The following SFMBT2 variants were observed in gnomAD, a reference collection of about 807,000 sequenced individuals.
SFMBT2 encodes the protein scm-like with four MBT domains protein 2.
Under a neutral mutation model 110.1 loss-of-function variants are expected in SFMBT2, and 38 were observed. The ratio of observed to expected loss-of-function variants is 0.35; its 90% confidence interval spans 0.27 to 0.45. SFMBT2 has a LOEUF of 0.45. Ranked by LOEUF, SFMBT2 falls within the 20% of genes least tolerant of loss-of-function variation. The pLI, the probability that SFMBT2 is intolerant of heterozygous loss-of-function variation, is 1.00. For missense variants in SFMBT2, 1,011 were observed against 1,094.9 expected, an observed-to-expected ratio of 0.92 and a Z score of 1.08; for synonymous variants, 425 against 425.4, an observed-to-expected ratio of 1.00 and a Z score of 0.01.
intron 16 of SFMBT2, among the ~76,000 whole-genome samples, chr10:7,185,592 T>C (rs1053453712): frequency 6.6e-6 from 1 of 152,244 alleles, no homozygotes; most frequent in Non-Finnish European, 1.5e-5. Flanking sequence ...CTCTGATAAG[T>C]GACAGTGAGC....
Position 7,172,725 on chromosome 10 carries a change from GGA to G in SFMBT2, c.1985-66_1985-65del. On this transcript the variant is annotated intron_variant, in intron 17 of 20. Transcript: ENST00000397167. The surrounding 1 kb of genome is among the most constrained non-coding windows in gnomAD (Gnocchi z 4.6). ...ACACACACAGACATGAACAGAGAGA[GGA>G]GAGAGAAAGAAGGGAAACGATTCTT... 1 of 1,511,698 alleles carries G rather than the reference GGA, an allele frequency of 6.6e-7. No individual in the cohort carries two copies. The highest frequency in any genetic ancestry group is 8.9e-7 in the Non-Finnish European group (1 of 1,122,660). 93.6% of individuals were successfully genotyped at this position (1,511,698 alleles called of 1,614,324 possible).
chr10:7,398,826 C>T (rs1321440532), intron 1 of SFMBT2, among the ~76,000 whole-genome samples: 2 of 152,152 alleles, frequency 1.3e-5, no homozygotes, highest in African/African-American at 4.8e-5. Flanking sequence ...GCATTACATA[C>T]AAATGCAGAT....
chr10:7,279,056 G>T (rs2131830327), intron 6 of SFMBT2, among the ~76,000 whole-genome samples: 1 of 150,696 alleles, frequency 6.6e-6, no homozygotes, highest in East Asian at 2.0e-4. Flanking sequence ...AGCTGAGATT[G>T]TGCCACTGCA....
intron 6 of SFMBT2, among the ~76,000 whole-genome samples, chr10:7,279,105 GA>G (rs1015742440): frequency 2.3e-4 from 34 of 145,740 alleles, no homozygotes; most frequent in Admixed American, 1.8e-3. Flanking sequence ...AAACAAACAA[GA>G]AAAAAAAAAC....
rs1489330312 is a variant in SFMBT2, at chr10:7,191,345, G to A, written c.1699-2612C>T. Among the ~76,000 whole-genome samples the A allele has an allele frequency of 1.1e-4, 16 of 152,172 alleles. 1 individual carries two copies. Among genetic ancestry groups the A allele is most frequent in the Admixed American group, 6.5e-5 (1 of 15,286 alleles). On this transcript the variant is annotated intron_variant, in intron 15 of 20. Transcript: ENST00000397167. The stretch of plus-strand genomic sequence containing the variant: ...CCTGGTGAGAGCACATGGCCGAAAC[G>A]CTGGGCAGCTCTGGGTCTATTCTCA...
intron 4 of SFMBT2, among the ~76,000 whole-genome samples, chr10:7,337,457 G>A (rs71481716): frequency 0.011 from 1,650 of 152,260 alleles, 12 homozygotes; most frequent in Middle Eastern, 0.024. Context: ...ATGGTTTAAC[G>A]CCATCCTCCT....
intron 7 of SFMBT2, among the ~76,000 whole-genome samples, chr10:7,262,418 T>C (rs1841237114): frequency 6.6e-6 from 1 of 152,174 alleles, no homozygotes; most frequent in Non-Finnish European, 1.5e-5. Context: ...TTGAAATGTG[T>C]CTAGTTTTAT....
intron 10 of SFMBT2, among the ~76,000 whole-genome samples, chr10:7,220,859 C>T (rs1164685374): frequency 6.6e-6 from 1 of 150,478 alleles, no homozygotes; most frequent in Non-Finnish European, 1.5e-5. Flanking sequence ...CAGAGTCTGG[C>T]TCTGATGCCC....
intron 4 of SFMBT2, among the ~76,000 whole-genome samples, chr10:7,335,396 C>T (rs763204916): frequency 9.9e-5 from 15 of 152,126 alleles, no homozygotes; most frequent in Non-Finnish European, 1.6e-4. Context: ...CAAATGCAGA[C>T]GCAGCTCACC....
At chr10:7,324,349 A>C (rs560935476) in intron 4 of SFMBT2, among the ~76,000 whole-genome samples, 2 of 152,348 alleles carry the variant, frequency 1.3e-5, no homozygotes, top group Non-Finnish European at 2.9e-5. Flanking sequence ...GCGGTTCAGC[A>C]ACAATGCAAC....
intron 4 of SFMBT2, among the ~76,000 whole-genome samples, chr10:7,350,375 T>C (rs958008256): frequency 6.6e-6 from 1 of 152,056 alleles, no homozygotes; most frequent in South Asian, 2.1e-4. Flanking sequence ...AGAAAATCGA[T>C]AGCAAAAGAT....
chr10:7,264,238 A>G (rs1417718414), intron 7 of SFMBT2: 1 of 244,128 alleles, frequency 4.1e-6, no homozygotes, highest in African/African-American at 2.3e-5. Flanking sequence ...AAACCATTTC[A>G]GGTACAGTTT....
At chr10:7,213,171 A>G (rs1415584333) in intron 11 of SFMBT2, among the ~76,000 whole-genome samples, 1 of 152,166 alleles carries the variant, frequency 6.6e-6, no homozygotes, top group Non-Finnish European at 1.5e-5. Flanking sequence ...GGGTGCAGCA[A>G]ACCACCATGG....
At chr10:7,166,122 G>A (rs1837687696) in intron 20 of SFMBT2, among the ~76,000 whole-genome samples, 1 of 152,176 alleles carries the variant, frequency 6.6e-6, no homozygotes, top group African/African-American at 2.4e-5. Flanking sequence ...ATGGACAGTT[G>A]GCTTAACCAT....
intron 11 of SFMBT2, among the ~76,000 whole-genome samples, chr10:7,207,171 C>T (rs1035163373): frequency 6.6e-6 from 1 of 151,836 alleles, no homozygotes; most frequent in African/African-American, 2.4e-5. Flanking sequence ...ATCAGCCTGG[C>T]CAACATGAAG....
intron 4 of SFMBT2, among the ~76,000 whole-genome samples, chr10:7,356,969 C>CCACTCTGACATTTATACTCTGACCTG (rs1183402524): frequency 6.6e-6 from 1 of 152,188 alleles, no homozygotes. Context: ...CTCTGACCTG[C>CCACTCTGACATTTATACTCTGACCTG]CACTCTGACA....
chr10:7,308,369 A>T (rs890395022), intron 4 of SFMBT2, among the ~76,000 whole-genome samples: 1 of 152,102 alleles, frequency 6.6e-6, no homozygotes, highest in South Asian at 2.1e-4. Context: ...CAAAAAACAA[A>T]CAAACAACAA....
chr10:7,317,365 C>A (rs1416502232), intron 4 of SFMBT2, among the ~76,000 whole-genome samples: 1 of 152,024 alleles, frequency 6.6e-6, no homozygotes, highest in Non-Finnish European at 1.5e-5. Flanking sequence ...ATATCATGGC[C>A]AGCGTGGTGG....
intron 4 of SFMBT2, among the ~76,000 whole-genome samples, chr10:7,309,114 T>C (rs1842777743): frequency 6.6e-6 from 1 of 152,156 alleles, no homozygotes; most frequent in Non-Finnish European, 1.5e-5. Flanking sequence ...CATTTGAAAT[T>C]GTAGACTGAG....
Sources: allele counts gnomAD v4.1 joint callset (sites outside exome capture counted in the v4.1 genomes callset), GRCh38; gene constraint gnomAD v4.1.1; non-coding constraint Gnocchi (gnomAD v3.1); transcripts MANE v1.5; gene names NCBI Gene and HGNC (gene_info 2026-07-23, HGNC 2026-07-21).